The following MON2 variants were observed in gnomAD, a reference collection of about 807,000 sequenced individuals.
The protein encoded by MON2 is MON2 regulator of endosome-to-Golgi trafficking.
MON2 carries 84 observed loss-of-function variants against 208.6 expected under a neutral mutation model. That is an observed-to-expected ratio of 0.40 (90% CI 0.34 to 0.48). The LOEUF (loss-of-function observed/expected upper bound fraction) is 0.48. Among genes scored for constraint, MON2 ranks in the 20% least tolerant of loss-of-function variants. MON2 has a pLI of 0.59. For missense variants in MON2, 1,611 were observed against 2,015.4 expected, an observed-to-expected ratio of 0.80 and a Z score of 3.84; for synonymous variants, 660 against 694.0, an observed-to-expected ratio of 0.95 and a Z score of 0.77.
chr12:62,527,773 A>T (rs746958558), intron 11 of MON2, among the ~76,000 whole-genome samples: 2 of 152,046 alleles, frequency 1.3e-5, no homozygotes, highest in Non-Finnish European at 2.9e-5. Flanking sequence ...TGGGGACAGA[A>T]AGGGTCTCCC....
At chr12:62,571,683 A>T (rs2074602183) in intron 30 of MON2, 101 bp downstream of exon 30, 1 of 985,210 alleles carries the variant, frequency 1.0e-6, no homozygotes, top group Non-Finnish European at 1.5e-6. Flanking sequence ...GTAATTGATT[A>T]TAAAGGTTGC....
intron 2 of MON2, among the ~76,000 whole-genome samples, chr12:62,485,326 A>G (rs1207177243): frequency 2.0e-5 from 3 of 152,238 alleles, no homozygotes; most frequent in Non-Finnish European, 1.5e-5. Flanking sequence ...AATCTCTTTA[A>G]CTTTCATATA....
Position 62,593,790 on chromosome 12 carries a change from C to T in MON2, c.*1041C>T, listed in dbSNP as rs528880516. 2 of 152,226 alleles carry T rather than the reference C, an allele frequency of 1.3e-5. No homozygotes were observed. Among genetic ancestry groups the T allele is most frequent in the South Asian group, 4.1e-4 (2 of 4,826 alleles). 9.4% of individuals were successfully genotyped at this position (152,226 alleles called of 1,614,324 possible). A position where few individuals can be genotyped will look rare whatever the true frequency, so the allele number is the denominator to read the frequency against. On this transcript the variant is annotated 3_prime_UTR_variant, in exon 35 of 35. Coordinates refer to ENST00000393630, the MANE Select transcript of MON2 (RefSeq NM_015026.3). ...AAAATCTTGCCTGTGAGGTTTTGTT[C>T]ATATCAGTGCTTCATTTTGTAATGT...
chr12:62,512,067 G>T (rs1355852211), intron 8 of MON2, among the ~76,000 whole-genome samples: 1 of 152,124 alleles, frequency 6.6e-6, no homozygotes, highest in Non-Finnish European at 1.5e-5. Context: ...TGCCTCCCAT[G>T]ATTCATTACC....
At chr12:62,483,531 G>A (rs912249767) in intron 1 of MON2, among the ~76,000 whole-genome samples, 8 of 152,022 alleles carry the variant, frequency 5.3e-5, no homozygotes, top group African/African-American at 1.9e-4. Context: ...AATACAAAAA[G>A]TACAAAAATA....
chr12:62,572,521 C>T (rs1294916655), intron 30 of MON2, among the ~76,000 whole-genome samples: 1 of 152,204 alleles, frequency 6.6e-6, no homozygotes, highest in African/African-American at 2.4e-5. Flanking sequence ...TCACAGCTCA[C>T]TGCAGCCTCG....
intron 1 of MON2, among the ~76,000 whole-genome samples, chr12:62,469,882 T>TTTTTTTA (rs1555229882): frequency 1.7e-5 from 2 of 117,866 alleles, no homozygotes; most frequent in South Asian, 3.0e-4. Flanking sequence ...TTGACTATTA[T>TTTTTTTA]TTTATTTATT....
chr12:62,529,008 A>G (rs913750258), intron 11 of MON2, among the ~76,000 whole-genome samples: 2 of 150,896 alleles, frequency 1.3e-5, no homozygotes, highest in Admixed American at 1.3e-4. Context: ...TTCTCCTCCC[A>G]CCCTCCCGCC....
chr12:62,478,336 G>T (rs907618976), intron 1 of MON2, among the ~76,000 whole-genome samples: 1 of 152,106 alleles, frequency 6.6e-6, no homozygotes, highest in Admixed American at 6.5e-5. Context: ...AGATGAATAA[G>T]ATAAAGTGTT....
intron 1 of MON2, among the ~76,000 whole-genome samples, chr12:62,483,536 A>C (rs2069571505): frequency 6.6e-6 from 1 of 152,114 alleles, no homozygotes; most frequent in South Asian, 2.1e-4. Flanking sequence ...AAAAAGTACA[A>C]AAATAAAACA....
At chr12:62,474,518 G>A (rs12424006) in intron 1 of MON2, among the ~76,000 whole-genome samples, 27,672 of 151,754 alleles carry the variant, frequency 0.18, 3,094 homozygotes, top group African/African-American at 0.3. Context: ...TCTGCCTCCC[G>A]GGTTCGAGTG....
intron 1 of MON2, among the ~76,000 whole-genome samples, chr12:62,470,022 A>G (rs1405428000): frequency 6.6e-6 from 1 of 151,872 alleles, no homozygotes; most frequent in African/African-American, 2.4e-5. Flanking sequence ...CTCCCACCTC[A>G]ACCCCCTGAG....
At chr12:62,533,844 A>C (rs924646392) in intron 12 of MON2, among the ~76,000 whole-genome samples, 3 of 152,180 alleles carry the variant, frequency 2.0e-5, no homozygotes, top group Non-Finnish European at 4.4e-5. Flanking sequence ...TTGAATTACC[A>C]TGACATCACA....
chr12:62,478,838 A>G (rs938817121), intron 1 of MON2, among the ~76,000 whole-genome samples: 2 of 152,144 alleles, frequency 1.3e-5, no homozygotes, highest in Admixed American at 6.5e-5. Context: ...TAGGTTGATA[A>G]TGAGTGTTGA....
chr12:62,559,533 C>T (rs963667227), intron 25 of MON2, among the ~76,000 whole-genome samples: 1 of 152,084 alleles, frequency 6.6e-6, no homozygotes, highest in Non-Finnish European at 1.5e-5. Context: ...GTCCCAGCTA[C>T]TCAGGAAGCT....
intron 7 of MON2, 40 bp from the exon 8 acceptor site, chr12:62,508,246 A>C (rs753966844): frequency 1.3e-5 from 20 of 1,511,786 alleles, no homozygotes; most frequent in Non-Finnish European, 9.1e-7. Flanking sequence ...AGTACAAATA[A>C]AGTTAATTAT....
At chr12:62,515,830 A>G (rs1358513429) in intron 8 of MON2, among the ~76,000 whole-genome samples, 1 of 152,020 alleles carries the variant, frequency 6.6e-6, no homozygotes, top group Admixed American at 6.6e-5. Context: ...AAAAAAAAAA[A>G]GTTCTAGAGA....
chr12:62,528,290 A>G (rs1439953734), intron 11 of MON2, among the ~76,000 whole-genome samples: 2 of 152,146 alleles, frequency 1.3e-5, no homozygotes, highest in Admixed American at 6.6e-5. Context: ...TTGATTGTGC[A>G]TTCTGTTCTT....
chr12:62,483,429 G>T (rs1692772), intron 1 of MON2, among the ~76,000 whole-genome samples: 1 of 152,096 alleles, frequency 6.6e-6, no homozygotes, highest in Non-Finnish European at 1.5e-5. Flanking sequence ...GTCTGGGCAC[G>T]GTGGCCCATG....
Sources: allele counts gnomAD v4.1 joint callset (sites outside exome capture counted in the v4.1 genomes callset), GRCh38; gene constraint gnomAD v4.1.1; transcripts MANE v1.5; gene names NCBI Gene and HGNC (gene_info 2026-07-23, HGNC 2026-07-21).